The following MTMR7 variants were observed in gnomAD, a reference collection of about 807,000 sequenced individuals.
The protein encoded by MTMR7 is myotubularin related protein 7.
In MTMR7, 76 loss-of-function variants were observed where a neutral mutation model predicts 81.2. The ratio of observed to expected loss-of-function variants is 0.94; its 90% CI spans 0.78 to 1.13. The LOEUF (loss-of-function observed/expected upper bound fraction) is 1.13, where lower values mean the gene tolerates loss of function less well. MTMR7 is among the 50% of genes most tolerant of loss of function. MTMR7 has a pLI of 0.00. For synonymous variants in MTMR7, 372 were observed against 289.8 expected, an observed-to-expected ratio of 1.28 and a Z score of -2.88; for missense variants, 1,044 against 820.0, an observed-to-expected ratio of 1.27 and a Z score of -3.34.
At chr8:17,310,957 C>T (rs1817748959) in intron 9 of MTMR7, among the ~76,000 whole-genome samples, 1 of 152,122 alleles carries the variant, frequency 6.6e-6, no homozygotes, top group African/African-American at 2.4e-5. Flanking sequence ...TTGATGCCCA[C>T]CTAAAAAGCT....
chr8:17,362,165 T>C (rs1178150716), intron 3 of MTMR7, among the ~76,000 whole-genome samples: 2 of 152,234 alleles, frequency 1.3e-5, no homozygotes, highest in African/African-American at 4.8e-5. Context: ...GTTAAATTAA[T>C]TTAACAATCT....
At chr8:17,314,187 T>TA (rs1307682398) in intron 7 of MTMR7, among the ~76,000 whole-genome samples, 1 of 152,200 alleles carries the variant, frequency 6.6e-6, no homozygotes, top group African/African-American at 2.4e-5. Context: ...ATATCACAAA[T>TA]ACGGCAATCC....
intron 7 of MTMR7, among the ~76,000 whole-genome samples, chr8:17,322,680 C>G (rs1015627949): frequency 6.6e-6 from 1 of 152,030 alleles, no homozygotes; most frequent in Admixed American, 6.6e-5. Flanking sequence ...AAAAAATTAG[C>G]TGGGTGTGGA....
chr8:17,300,610 G>C (rs919063120), intron 13 of MTMR7, among the ~76,000 whole-genome samples: 14 of 152,138 alleles, frequency 9.2e-5, no homozygotes, highest in African/African-American at 3.4e-4. Context: ...TTTATACTGA[G>C]ATACAATTCA....
At chr8:17,306,387 C>T (rs1323215260) in intron 10 of MTMR7, among the ~76,000 whole-genome samples, 3 of 150,860 alleles carry the variant, frequency 2.0e-5, no homozygotes, top group Non-Finnish European at 4.4e-5. Flanking sequence ...AAAAAGACAA[C>T]TTGAAAAAAA....
chr8:17,339,715 C>G (rs946478470), intron 6 of MTMR7, among the ~76,000 whole-genome samples: 4 of 152,166 alleles, frequency 2.6e-5, no homozygotes, highest in African/African-American at 9.6e-5. Flanking sequence ...TATTCACATA[C>G]AAGTTTTTAT....
At chr8:17,399,764 C>A (rs1396622252) in intron 1 of MTMR7, among the ~76,000 whole-genome samples, 3 of 151,858 alleles carry the variant, frequency 2.0e-5, no homozygotes, top group South Asian at 2.1e-4. Flanking sequence ...ATGCTTATGG[C>A]AGCATTATTC....
At chr8:17,374,556 G>C (rs1193316636) in intron 1 of MTMR7, among the ~76,000 whole-genome samples, 14 of 152,148 alleles carry the variant, frequency 9.2e-5, no homozygotes, top group Admixed American at 9.2e-4. Context: ...AGGAGGCGGA[G>C]GTTGCAGTGC....
chr8:17,390,236 G>A (rs1359936673), intron 1 of MTMR7, among the ~76,000 whole-genome samples: 4 of 152,002 alleles, frequency 2.6e-5, no homozygotes, highest in South Asian at 2.1e-4. Flanking sequence ...GGAGGCCTCA[G>A]GAAGCTTCCA....
chr8:17,343,061 G>T lies in MTMR7; in HGVS notation c.598-1564C>A, dbSNP rs74864629. 8.4e-3 allele frequency among the ~76,000 whole-genome samples: 1,277 copies of T among 152,268 alleles called. 24 individuals are homozygous for T. The highest frequency in any genetic ancestry group is 0.029 in the African/African-American group (1,190 of 41,534). On this transcript the variant is annotated intron_variant, in intron 5 of 13. Transcript: ENST00000180173. ...TTTAAGGGGTCAGGGTCTGCCACCT[G>T]CTCAGAGGGAATTCTTCCTGGAAAG...
At chr8:17,409,854 G>A (rs930786019) in intron 1 of MTMR7, among the ~76,000 whole-genome samples, 3 of 152,184 alleles carry the variant, frequency 2.0e-5, no homozygotes, top group African/African-American at 7.2e-5. Context: ...TGGAACAGCA[G>A]TGCAAAAGTC....
chr8:17,342,588 G>C (rs1348702441), intron 5 of MTMR7, among the ~76,000 whole-genome samples: 1 of 152,180 alleles, frequency 6.6e-6, no homozygotes, highest in African/African-American at 2.4e-5. Flanking sequence ...CAAAGGGCTT[G>C]GGTGCTCCTT....
intron 4 of MTMR7, among the ~76,000 whole-genome samples, chr8:17,356,234 C>A (rs1819885895): frequency 6.6e-6 from 1 of 152,120 alleles, no homozygotes. Context: ...TAGGAACCTT[C>A]CACATTTCCT....
intron 7 of MTMR7, among the ~76,000 whole-genome samples, chr8:17,330,934 C>T (rs1382711921): frequency 6.6e-6 from 1 of 152,140 alleles, no homozygotes; most frequent in Non-Finnish European, 1.5e-5. Context: ...ATTGTAGAGT[C>T]CCTGACTGCT....
intron 4 of MTMR7, among the ~76,000 whole-genome samples, chr8:17,351,304 G>A (rs187385221): frequency 2.0e-4 from 31 of 152,318 alleles, no homozygotes; most frequent in Admixed American, 2.0e-3. Context: ...AAGAGCAAGA[G>A]ATAAGCTCCT....
chr8:17,381,394 T>G (rs1820756771), intron 1 of MTMR7, among the ~76,000 whole-genome samples: 1 of 152,118 alleles, frequency 6.6e-6, no homozygotes, highest in Non-Finnish European at 1.5e-5. Flanking sequence ...AGTCAGAGCC[T>G]TTCTTCAGTG....
intron 12 of MTMR7, 199 bp from the exon 13 acceptor site, chr8:17,302,479 G>GA: frequency 2.0e-6 from 1 of 503,110 alleles, no homozygotes; most frequent in Non-Finnish European, 3.4e-6. Flanking sequence ...CTTTTGGGGA[G>GA]AATAAGTTTA....
chr8:17,303,339 T>C (rs1817249080), intron 12 of MTMR7, among the ~76,000 whole-genome samples: 1 of 152,092 alleles, frequency 6.6e-6, no homozygotes, highest in Non-Finnish European at 1.5e-5. Context: ...GAGAAGATAA[T>C]TAGATTGAAA....
intron 1 of MTMR7, among the ~76,000 whole-genome samples, chr8:17,396,373 C>G (rs766981540): frequency 2.0e-5 from 3 of 152,164 alleles, no homozygotes; most frequent in Non-Finnish European, 4.4e-5. Flanking sequence ...GTCCCCCATC[C>G]CCTGGTAGTG....
Sources: allele counts gnomAD v4.1 joint callset (sites outside exome capture counted in the v4.1 genomes callset), GRCh38; gene constraint gnomAD v4.1.1; transcripts MANE v1.5; gene names NCBI Gene and HGNC (gene_info 2026-07-23, HGNC 2026-07-21).